Variants in ARID4B observed in about 807,000 individuals in gnomAD.
ARID4B encodes AT-rich interactive domain-containing protein 4B.
In ARID4B, 26 loss-of-function variants were observed where a neutral mutation model predicts 147.5. The ratio of observed to expected loss-of-function variants is 0.18; its 90% CI spans 0.13 to 0.24. The LOEUF (loss-of-function observed/expected upper bound fraction) is 0.24. ARID4B is among the 10% of genes least tolerant of loss of function. The pLI, the probability that ARID4B is intolerant of heterozygous loss-of-function variation, is 1.00. For synonymous variants in ARID4B, 512 were observed against 507.9 expected (o/e 1.01, Z -0.11); for missense variants, 1,179 against 1,511.5 (o/e 0.78, Z 3.65).
At chr1:235,242,529 A>G (rs1458561806) in intron 7 of ARID4B, among the ~76,000 whole-genome samples, 1 of 152,236 alleles carries the variant, frequency 6.6e-6, no homozygotes, top group East Asian at 1.9e-4. Flanking sequence ...AAGTAGCCAC[A>G]GAAGACTCAT....
In ARID4B at chr1:235,326,934, C is replaced by CA; in HGVS notation, c.-16dup. ...CTTACCTTCATGATGACTCTGGGAC[C>CA]AAGGTATCCTCTAAAACACCAGGTT... is the stretch of plus-strand genomic sequence containing the variant. On this transcript the variant is annotated 5_prime_UTR_variant, in exon 2 of 24. Transcript: ENST00000264183. The CA allele has an allele frequency of 7.4e-6, 12 of 1,613,876 alleles. No homozygotes were observed. The highest frequency in any genetic ancestry group is 1.0e-5 in the Non-Finnish European group (12 of 1,179,810).
intron 17 of ARID4B, among the ~76,000 whole-genome samples, chr1:235,208,605 C>T (rs1276538053): frequency 6.6e-6 from 1 of 151,996 alleles, no homozygotes; most frequent in African/African-American, 2.4e-5. Context: ...CAGGTTCGAG[C>T]GATTCTCCTG....
chr1:235,277,599 TG>T (rs2103166953), intron 2 of ARID4B, among the ~76,000 whole-genome samples: 1 of 4,616 alleles, frequency 2.2e-4, no homozygotes, highest in South Asian at 0.045. Flanking sequence ...TTATATTGTG[TG>T]TGTGTGTGTG....
chr1:235,220,640 T>C, intron 14 of ARID4B, 95 bp from the exon 15 acceptor site: 1 of 962,678 alleles, frequency 1.0e-6, no homozygotes, highest in South Asian at 2.4e-5. Flanking sequence ...TTGTCTAAAC[T>C]CTCAGATATT....
chr1:235,181,139 T>C, intron 20 of ARID4B: 1 of 1,024,852 alleles, frequency 9.8e-7, no homozygotes, highest in Non-Finnish European at 1.2e-6. Flanking sequence ...GGACAGTTGG[T>C]TGCTCCAAAC....
chr1:235,222,760 G>A (rs2103028972), intron 13 of ARID4B, among the ~76,000 whole-genome samples: 1 of 145,832 alleles, frequency 6.9e-6, no homozygotes, highest in South Asian at 2.1e-4. Context: ...TTGGTTCACT[G>A]TAATCTCTGT....
At chr1:235,265,003 T>G (rs1228824982) in intron 2 of ARID4B, among the ~76,000 whole-genome samples, 2 of 146,024 alleles carry the variant, frequency 1.4e-5, no homozygotes, top group African/African-American at 5.1e-5. Context: ...GAGGTTGCAG[T>G]GAGCCGAGAT....
intron 11 of ARID4B, chr1:235,228,493 T>C (rs563689600): frequency 2.0e-5 from 3 of 151,450 alleles, no homozygotes; most frequent in African/African-American, 7.3e-5. Flanking sequence ...TTTATTTTTA[T>C]TTTTGTTGAG....
intron 22 of ARID4B, among the ~76,000 whole-genome samples, 190 bp from the exon 23 acceptor site, chr1:235,172,954 A>G (rs1242843914): frequency 6.6e-6 from 1 of 152,238 alleles, no homozygotes; most frequent in African/African-American, 2.4e-5. Context: ...ATAAATGCAC[A>G]GTATTTGTTG....
In ARID4B at chr1:235,245,926, C is replaced by A. The variant is rs574595298; in HGVS notation, c.446+494G>T. 3.9e-5 allele frequency among the ~76,000 whole-genome samples: 6 copies of A among 152,252 alleles called. No homozygotes were observed. The South Asian group carries it at 1.2e-3, about 32-fold the overall frequency. On this transcript the variant is annotated intron_variant, in intron 7 of 23. Transcript: ENST00000264183. ...GCAGAGCCAGGATTCAAACCCAGAC[C>A]AACTGGCTCCACAGTTCATACTATG...
chr1:235,295,607 C>T (rs1331344443), intron 2 of ARID4B, among the ~76,000 whole-genome samples: 2 of 151,258 alleles, frequency 1.3e-5, no homozygotes, highest in African/African-American at 2.4e-5. Flanking sequence ...GTCAGGAGTT[C>T]GAGATCAGCC....
chr1:235,255,334 CATGA>C (rs1377037951), intron 5 of ARID4B, among the ~76,000 whole-genome samples: 3 of 149,958 alleles, frequency 2.0e-5, no homozygotes, highest in Middle Eastern at 4.1e-3. Flanking sequence ...TATAAAACAA[CATGA>C]ATATCCTTAA....
intron 14 of ARID4B, 105 bp from the exon 15 acceptor site, chr1:235,220,650 T>C: frequency 1.1e-6 from 1 of 909,824 alleles, no homozygotes; most frequent in Non-Finnish European, 1.5e-6. Context: ...TCTCAGATAT[T>C]GAGCCATATT....
intron 2 of ARID4B, among the ~76,000 whole-genome samples, chr1:235,324,791 G>C (rs1034914003): frequency 2.0e-5 from 3 of 152,178 alleles, no homozygotes; most frequent in African/African-American, 7.2e-5. Flanking sequence ...ACAAAAATTA[G>C]CCAGGTGTGC....
At position 235,182,293 on chromosome 1, in the gene ARID4B, T is replaced by G. The variant is rs745782864; in HGVS notation, c.2626A>C (p.Thr876Pro). Residue 876 changes from threonine (T) to proline (P), a missense_variant, in exon 20 of 24, where the codon ACT becomes CCT. Coordinates refer to ENST00000264183, the MANE Select transcript of ARID4B (RefSeq NM_016374.6). ...EEETKAKMTPTKKYNGLEEKR... is the reference protein window; with the variant it reads ...EEETKAKMTPPKKYNGLEEKR... ...TCCTCCAAACCATTGTATTTCTTAG[T>G]TGGTGTCATCTTTGCTTTTGTTTCT... 3.1e-6 allele frequency: 5 copies of G among 1,613,966 alleles called. No individual in the cohort carries two copies. In the South Asian group the frequency reaches 5.5e-5, roughly 18 times the overall value.
At chr1:235,174,363 T>C (rs1330170725) in intron 22 of ARID4B, among the ~76,000 whole-genome samples, 1 of 152,182 alleles carries the variant, frequency 6.6e-6, no homozygotes, top group Non-Finnish European at 1.5e-5. Flanking sequence ...TAGTCAGTGT[T>C]GGCATTTGCC....
intron 2 of ARID4B, chr1:235,326,686 G>A (rs1246024304): frequency 5.4e-6 from 3 of 556,318 alleles, no homozygotes; most frequent in Non-Finnish European, 9.8e-6. Flanking sequence ...AAAAAGAGAT[G>A]TTCAATATGG....
chr1:235,243,560 C>T (rs920387766), intron 7 of ARID4B, among the ~76,000 whole-genome samples: 9 of 152,118 alleles, frequency 5.9e-5, no homozygotes, highest in Non-Finnish European at 1.2e-4. Context: ...AATACTCTAA[C>T]AGCCAATCAC....
At chr1:235,224,095 A>G (rs1275664286) in intron 12 of ARID4B, among the ~76,000 whole-genome samples, 1 of 152,208 alleles carries the variant, frequency 6.6e-6, no homozygotes, top group Non-Finnish European at 1.5e-5. Flanking sequence ...GGGATTTAGA[A>G]AACGTTCAAT....
Sources: allele counts gnomAD v4.1 joint callset (sites outside exome capture counted in the v4.1 genomes callset), GRCh38; gene constraint gnomAD v4.1.1; transcripts MANE v1.5; gene names NCBI Gene and HGNC (gene_info 2026-07-23, HGNC 2026-07-21).